The following APBA2 variants were observed in gnomAD, a reference collection of about 807,000 sequenced individuals.
APBA2 encodes amyloid-beta A4 precursor protein-binding family A member 2.
A neutral mutation model predicts 75.0 loss-of-function variants in APBA2; 30 were observed. The observed-to-expected ratio is 0.40, with a 90% confidence interval of 0.30 to 0.54. APBA2 has a LOEUF of 0.54. APBA2 is among the 20% of genes least tolerant of loss of function. The probability of loss-of-function intolerance (pLI) is 0.49; values close to 1 mark genes in which losing one functional copy is unlikely to be tolerated. For synonymous variants in APBA2, 444 were observed against 409.6 expected, an observed-to-expected ratio of 1.08 and a Z score of -1.01; for missense variants, 801 against 1,016.1, an observed-to-expected ratio of 0.79 and a Z score of 2.88.
At chr15:28,890,328 C>G (rs1314246089) in intron 1 of APBA2, among the ~76,000 whole-genome samples, 1 of 152,212 alleles carries the variant, frequency 6.6e-6, no homozygotes, top group East Asian at 1.9e-4. Flanking sequence ...TGTTTGGGTT[C>G]TCTGCACCCA....
intron 6 of APBA2, among the ~76,000 whole-genome samples, chr15:29,077,168 T>G (rs1462885280): frequency 6.6e-6 from 1 of 152,230 alleles, no homozygotes; most frequent in East Asian, 1.9e-4. Context: ...AGGTACATTT[T>G]ATCTGGTTCA....
chr15:28,940,019 A>G (rs1003521360), intron 2 of APBA2, among the ~76,000 whole-genome samples: 2 of 152,226 alleles, frequency 1.3e-5, no homozygotes, highest in African/African-American at 4.8e-5. Context: ...TGGAAGAAAC[A>G]GGAGAGAAAA....
rs2038222146 is a variant in APBA2, at chr15:28,991,403, CAGG to C, written c.-94-4346_-94-4344del. On this transcript the variant is annotated intron_variant, in intron 2 of 14. Transcript: ENST00000683413. The surrounding 1 kb of genome is among the most constrained non-coding windows in gnomAD (Gnocchi z 4.7). Reference sequence around the variant, plus strand: ...TTGGCTGAGCTACAGGGCCGGGCCGCAGGAGGCGTCCTTGTGCCGGAGCTCACC... The same window carrying C: ...TTGGCTGAGCTACAGGGCCGGGCCGCAGGCGTCCTTGTGCCGGAGCTCACC... 1.3e-5 allele frequency among the ~76,000 whole-genome samples: 2 copies of C among 152,312 alleles called. No homozygotes were observed. The highest frequency in any genetic ancestry group is 4.1e-4 in the South Asian group (2 of 4,828).
intron 4 of APBA2, among the ~76,000 whole-genome samples, chr15:29,062,870 T>C (rs2042192527): frequency 6.6e-6 from 1 of 151,860 alleles, no homozygotes; most frequent in African/African-American, 2.4e-5. Context: ...ATGGGCCACC[T>C]GTGCCAGCAG....
At chr15:29,022,402 T>C (rs1280929553) in intron 3 of APBA2, among the ~76,000 whole-genome samples, 1 of 152,226 alleles carries the variant, frequency 6.6e-6, no homozygotes, top group Admixed American at 6.5e-5. Context: ...TATTGTCTTA[T>C]TTAAGAAGGG....
At position 28,949,427 on chromosome 15, in the gene APBA2, GA is replaced by G. The variant is rs1471864439; in HGVS notation, c.-95+27679del. On this transcript the variant is annotated intron_variant, in intron 2 of 14. Transcript: ENST00000683413. Reference sequence around the variant, plus strand: ...AACCAGCCAGTTCCTACGCATCACGGAGGAGAGGTGCCTGCCCTCCTGGGAG... The same window carrying G: ...AACCAGCCAGTTCCTACGCATCACGGGGAGAGGTGCCTGCCCTCCTGGGAG... 2.6e-5 allele frequency among the ~76,000 whole-genome samples: 4 copies of G among 152,152 alleles called. No individual in the cohort carries two copies. The East Asian group carries it at 7.7e-4, about 29-fold the overall frequency.
At chr15:29,003,299 A>G (rs900860858) in intron 3 of APBA2, among the ~76,000 whole-genome samples, 3 of 152,210 alleles carry the variant, frequency 2.0e-5, no homozygotes, top group African/African-American at 4.8e-5. Context: ...AACTCGCTTC[A>G]CAATCTACTT....
intron 1 of APBA2, among the ~76,000 whole-genome samples, chr15:28,910,642 C>T (rs1279495670): frequency 5.9e-5 from 9 of 152,296 alleles, no homozygotes; most frequent in South Asian, 4.1e-4. Context: ...GAGCTCCCAC[C>T]GTTCTCTTTT....
intron 3 of APBA2, among the ~76,000 whole-genome samples, chr15:28,997,603 AGCT>A (rs1383380625): frequency 6.6e-6 from 1 of 152,188 alleles, no homozygotes; most frequent in African/African-American, 2.4e-5. Context: ...AGGGTTAAGC[AGCT>A]GCCTCAGCCC....
intron 4 of APBA2, among the ~76,000 whole-genome samples, chr15:29,061,032 C>T (rs977980455): frequency 3.9e-5 from 6 of 152,148 alleles, no homozygotes; most frequent in Admixed American, 1.3e-4. Flanking sequence ...GTAGTTTGCT[C>T]ATCAGTGCTT....
At chr15:28,924,100 G>A (rs1393841616) in intron 2 of APBA2, among the ~76,000 whole-genome samples, 2 of 152,184 alleles carry the variant, frequency 1.3e-5, no homozygotes, top group Non-Finnish European at 1.5e-5. Context: ...GTCCCACGAG[G>A]ACAGACTCAA....
chr15:28,926,546 T>G (rs1162014266), intron 2 of APBA2, among the ~76,000 whole-genome samples: 1 of 152,164 alleles, frequency 6.6e-6, no homozygotes, highest in Non-Finnish European at 1.5e-5. Flanking sequence ...AGTAAATAAA[T>G]TTATTTTTAT....
chr15:29,098,776 C>T (rs889074318), intron 9 of APBA2, among the ~76,000 whole-genome samples, 200 bp downstream of exon 9: 4 of 152,202 alleles, frequency 2.6e-5, no homozygotes, highest in African/African-American at 7.2e-5. Flanking sequence ...CCCCAGGGCT[C>T]TGCGGGCGGG....
intron 3 of APBA2, among the ~76,000 whole-genome samples, chr15:29,053,076 G>A (rs2041681660): frequency 6.6e-6 from 1 of 152,198 alleles, no homozygotes; most frequent in South Asian, 2.1e-4. Flanking sequence ...GGGGGATAAA[G>A]TGCAGAGTCC....
At chr15:28,890,405 G>T (rs141516770) in intron 1 of APBA2, among the ~76,000 whole-genome samples, 1,933 of 152,246 alleles carry the variant, frequency 0.013, 49 homozygotes, top group African/African-American at 0.044. Context: ...GATGCACTTT[G>T]GAAGGAGGCA....
intron 1 of APBA2, among the ~76,000 whole-genome samples, chr15:28,913,287 C>G (rs576218422): frequency 6.6e-6 from 1 of 152,148 alleles, no homozygotes; most frequent in Non-Finnish European, 1.5e-5. Context: ...CACAGTAGCT[C>G]GAGGAGCAGG....
chr15:28,888,689 C>T (rs2031923563), intron 1 of APBA2, among the ~76,000 whole-genome samples: 1 of 152,144 alleles, frequency 6.6e-6, no homozygotes, highest in Non-Finnish European at 1.5e-5. Context: ...AGATCACATG[C>T]CCTGCCTTGC....
chr15:29,025,526 C>A (rs1271390039), intron 3 of APBA2, among the ~76,000 whole-genome samples: 1 of 151,944 alleles, frequency 6.6e-6, no homozygotes, highest in East Asian at 2.0e-4. Context: ...CCTGCCTCGG[C>A]CTCCCAGAGT....
chr15:29,075,023 A>T, intron 5 of APBA2, 22 bp downstream of exon 5: 1 of 1,567,426 alleles, frequency 6.4e-7, no homozygotes, highest in Non-Finnish European at 8.8e-7. Context: ...CAAGGATGAG[A>T]GTTCTGGGCT....
Sources: gnomAD v4.1 joint callset for allele counts (sites outside exome capture counted in the v4.1 genomes callset) on GRCh38, gnomAD v4.1.1 for gene constraint, Gnocchi (gnomAD v3.1) non-coding constraint, MANE v1.5 for transcripts, NCBI Gene and HGNC (gene_info 2026-07-23, HGNC 2026-07-21) for gene names.